The following ADAMTS17 variants were observed in gnomAD, a reference collection of about 807,000 sequenced individuals.
ADAMTS17 encodes ADAM metallopeptidase with thrombospondin type 1 motif 17.
In ADAMTS17, 113 loss-of-function variants were observed where a neutral mutation model predicts 141.5. That is an observed-to-expected ratio of 0.80 (90% CI 0.69 to 0.93). The LOEUF (loss-of-function observed/expected upper bound fraction) is 0.93, where lower values mean the gene tolerates loss of function less well. Among genes scored for constraint, ADAMTS17 ranks in the 40% least tolerant of loss-of-function variants. The pLI is 0.00. For missense variants in ADAMTS17, 1,659 were observed against 1,517.9 expected, an observed-to-expected ratio of 1.09 and a Z score of -1.54; for synonymous variants, 768 against 630.6, an observed-to-expected ratio of 1.22 and a Z score of -3.27.
intron 18 of ADAMTS17, among the ~76,000 whole-genome samples, chr15:100,044,096 A>G (rs114009939): frequency 0.014 from 2,204 of 152,300 alleles, 63 homozygotes; most frequent in African/African-American, 0.05. Flanking sequence ...AACTTGATAT[A>G]CTTGCCCACT....
intron 14 of ADAMTS17, among the ~76,000 whole-genome samples, chr15:100,098,418 G>A (rs1324969527): frequency 2.6e-5 from 4 of 152,164 alleles, no homozygotes; most frequent in Non-Finnish European, 5.9e-5. Context: ...GGAGGCTGAG[G>A]TGGGTGGATC....
At chr15:100,050,954 T>A (rs1011397726) in intron 17 of ADAMTS17, among the ~76,000 whole-genome samples, 1 of 152,246 alleles carries the variant, frequency 6.6e-6, no homozygotes, top group Non-Finnish European at 1.5e-5. Context: ...TTTGGTCATA[T>A]TGATTCTTGC....
At chr15:99,978,201 T>C (rs2060406562) in intron 20 of ADAMTS17, among the ~76,000 whole-genome samples, 1 of 152,246 alleles carries the variant, frequency 6.6e-6, no homozygotes, top group Non-Finnish European at 1.5e-5. Flanking sequence ...GGCGGTGGTG[T>C]CCCATCTGTG....
At chr15:100,183,593 C>G (rs8029288) in intron 8 of ADAMTS17, among the ~76,000 whole-genome samples, 1 of 151,994 alleles carries the variant, frequency 6.6e-6, no homozygotes, top group East Asian at 1.9e-4. Flanking sequence ...GATTTATAAT[C>G]GTCGTTAGAC....
At chr15:100,124,196 C>CTAGTCA (rs2037600925) in intron 12 of ADAMTS17, among the ~76,000 whole-genome samples, 2 of 152,074 alleles carry the variant, frequency 1.3e-5, no homozygotes, top group Non-Finnish European at 2.9e-5. Flanking sequence ...GAACTCCTGG[C>CTAGTCA]CTCAGGTGAT....
At chr15:100,253,884 G>A (rs1353836372) in intron 7 of ADAMTS17, among the ~76,000 whole-genome samples, 2 of 152,080 alleles carry the variant, frequency 1.3e-5, no homozygotes, top group African/African-American at 2.4e-5. Flanking sequence ...GAACGGCCTG[G>A]TGGCTTTTCC....
chr15:100,103,358 C>T (rs187198048), intron 14 of ADAMTS17, among the ~76,000 whole-genome samples: 1 of 152,202 alleles, frequency 6.6e-6, no homozygotes, highest in Non-Finnish European at 1.5e-5. Flanking sequence ...TTCCTGCAGG[C>T]TTGTTACCTC....
intron 3 of ADAMTS17, among the ~76,000 whole-genome samples, chr15:100,328,225 G>C (rs567608963): frequency 1.1e-4 from 17 of 152,316 alleles, no homozygotes; most frequent in Non-Finnish European, 2.2e-4. Context: ...AATGTACTTT[G>C]CAGATGTCCC....
chr15:100,077,149 T>A (rs1472524058), intron 15 of ADAMTS17, among the ~76,000 whole-genome samples: 1 of 151,478 alleles, frequency 6.6e-6, no homozygotes, highest in Non-Finnish European at 1.5e-5. Flanking sequence ...TGGTTTAACA[T>A]ATGGAAAAAT....
In ADAMTS17 at chr15:99,997,601, G is replaced by C; in HGVS notation, c.2592-12C>G. ...GGCCTGCCACCCACCTGCCAGACGG[G>C]AGGAAAGAGAGAGAGAACGACTGGG... is the stretch of plus-strand genomic sequence containing the variant. On this transcript the variant is annotated splice_polypyrimidine_tract_variant and intron_variant, in intron 18 of 21. Transcript: ENST00000268070. The surrounding 1 kb of genome is among the most constrained non-coding windows in gnomAD (Gnocchi z 4.7). The C allele has an allele frequency of 6.2e-7, 1 of 1,612,618 alleles. No individual in the cohort carries two copies. The highest frequency in any genetic ancestry group is 1.1e-5 in the South Asian group (1 of 91,056).
intron 3 of ADAMTS17, chr15:100,306,683 C>T (rs1225932246): frequency 3.1e-5 from 13 of 423,376 alleles, no homozygotes; most frequent in East Asian, 7.0e-5. Flanking sequence ...GGTAGCTCAT[C>T]GTGCAGCAAC....
chr15:100,140,509 C>CATA lies in ADAMTS17; in HGVS notation c.1474-7195_1474-7194insTAT, dbSNP rs1567241180. On this transcript the variant is annotated intron_variant, in intron 10 of 21. Transcript: ENST00000268070. ...CATACATATATATATATATATATAT[C>CATA]CAGTAAAGACGTGTGGAATGTATGA... 1.6e-3 allele frequency among the ~76,000 whole-genome samples: 161 copies of CATA among 102,312 alleles called. 2 individuals carry two copies. The highest frequency in any genetic ancestry group is 1.4e-3 in the Non-Finnish European group (69 of 48,160). The allele number at this position is 102,312 out of a possible 152,430, so 67.1% of individuals were successfully genotyped here.
At chr15:100,311,815 G>A (rs2045414773) in intron 3 of ADAMTS17, among the ~76,000 whole-genome samples, 1 of 149,758 alleles carries the variant, frequency 6.7e-6, no homozygotes. Flanking sequence ...ATGTCCAACA[G>A]ATAAGTGAAA....
intron 4 of ADAMTS17, among the ~76,000 whole-genome samples, chr15:100,266,118 C>T (rs745736287): frequency 2.0e-5 from 3 of 152,202 alleles, no homozygotes; most frequent in Non-Finnish European, 4.4e-5. Flanking sequence ...TTCCACTCCA[C>T]GGTCGTTAAG....
chr15:100,024,036 C>G (rs954067943), intron 18 of ADAMTS17, among the ~76,000 whole-genome samples: 2 of 152,208 alleles, frequency 1.3e-5, no homozygotes, highest in South Asian at 2.1e-4. Context: ...TACTGTGCAT[C>G]GCTATTGATA....
intron 18 of ADAMTS17, among the ~76,000 whole-genome samples, chr15:100,014,150 A>G (rs953020329): frequency 6.6e-5 from 10 of 152,154 alleles, no homozygotes; most frequent in African/African-American, 2.4e-4. Flanking sequence ...TATCTCTTCT[A>G]GGTTTTCTAG....
intron 18 of ADAMTS17, among the ~76,000 whole-genome samples, chr15:100,023,353 C>A (rs1244765087): frequency 6.6e-6 from 1 of 151,886 alleles, no homozygotes; most frequent in Non-Finnish European, 1.5e-5. Flanking sequence ...AGGTGCCTGC[C>A]ACCACGCAGG....
intron 15 of ADAMTS17, among the ~76,000 whole-genome samples, chr15:100,055,921 C>A (rs2032528546): frequency 6.6e-6 from 1 of 152,190 alleles, no homozygotes; most frequent in South Asian, 2.1e-4. Flanking sequence ...CAAAGCTATT[C>A]AGTTGTAGAG....
intron 2 of ADAMTS17, among the ~76,000 whole-genome samples, chr15:100,338,639 C>CTCG (rs35773842): frequency 0.071 from 12 of 168 alleles, no homozygotes; most frequent in Non-Finnish European, 0.28. Flanking sequence ...CCGACTCTTG[C>CTCG]TCATTTTTAG....
Sources: allele counts gnomAD v4.1 joint callset (sites outside exome capture counted in the v4.1 genomes callset), GRCh38; gene constraint gnomAD v4.1.1; non-coding constraint Gnocchi (gnomAD v3.1); transcripts MANE v1.5; gene names NCBI Gene and HGNC (gene_info 2026-07-23, HGNC 2026-07-21).